ATL2: variants seen among roughly 807,000 people sequenced by gnomAD.
The protein encoded by ATL2 is atlastin GTPase 2.
In ATL2, 31 loss-of-function variants were observed where a neutral mutation model predicts 73.9. That is an observed-to-expected ratio of 0.42 (90% CI 0.32 to 0.57). The LOEUF (loss-of-function observed/expected upper bound fraction) is 0.57. Among genes scored for constraint, ATL2 ranks in the 20% least tolerant of loss-of-function variants. The pLI, the probability that ATL2 is intolerant of heterozygous loss-of-function variation, is 0.14. For missense variants in ATL2, 738 were observed against 702.6 expected, an observed-to-expected ratio of 1.05 and a Z score of -0.57; for synonymous variants, 291 against 237.5, an observed-to-expected ratio of 1.23 and a Z score of -2.07.
chr2:38,362,204 G>T (rs1558453214), intron 1 of ATL2, among the ~76,000 whole-genome samples: 1 of 152,204 alleles, frequency 6.6e-6, no homozygotes, highest in Admixed American at 6.5e-5. Flanking sequence ...TCTGGTATTT[G>T]AGATTTCTAG....
chr2:38,342,492 A>T (rs1486345201), intron 2 of ATL2, among the ~76,000 whole-genome samples: 1 of 152,156 alleles, frequency 6.6e-6, no homozygotes, highest in East Asian at 1.9e-4. Flanking sequence ...AACAGCAAAA[A>T]CTATAGTTTA....
At chr2:38,374,569 A>G (rs143318522) in intron 1 of ATL2, among the ~76,000 whole-genome samples, 7 of 152,380 alleles carry the variant, frequency 4.6e-5, no homozygotes, top group African/African-American at 1.7e-4. Flanking sequence ...TCTGGCTCTT[A>G]ACTTTTTAAG....
intron 2 of ATL2, among the ~76,000 whole-genome samples, chr2:38,336,692 G>C (rs886135671): frequency 6.6e-6 from 1 of 152,136 alleles, no homozygotes. Context: ...GCCTAGTCTC[G>C]AATTTAAGTC....
At chr2:38,337,661 G>A (rs570049336) in intron 2 of ATL2, among the ~76,000 whole-genome samples, 1 of 151,550 alleles carries the variant, frequency 6.6e-6, no homozygotes, top group Admixed American at 6.6e-5. Flanking sequence ...TGATCACAGG[G>A]ATTTACTTCA....
chr2:38,340,776 T>C (rs138482773), intron 2 of ATL2, among the ~76,000 whole-genome samples: 1 of 152,312 alleles, frequency 6.6e-6, no homozygotes, highest in Non-Finnish European at 1.5e-5. Context: ...TATCCAAAAA[T>C]CAGATACCAT....
intron 4 of ATL2, chr2:38,318,291 A>C (rs1668132299): frequency 3.3e-6 from 1 of 304,106 alleles, no homozygotes; most frequent in African/African-American, 2.2e-5. Flanking sequence ...CAGCCTGCCC[A>C]ACGTGGTGAA....
intron 1 of ATL2, among the ~76,000 whole-genome samples, chr2:38,353,579 G>C (rs1670483880): frequency 1.3e-5 from 2 of 152,146 alleles, no homozygotes; most frequent in South Asian, 4.1e-4. Context: ...GAGATTTACA[G>C]GTCCAAAAAG....
At chr2:38,353,510 T>C (rs1015379197) in intron 1 of ATL2, among the ~76,000 whole-genome samples, 8 of 152,166 alleles carry the variant, frequency 5.3e-5, no homozygotes, top group Non-Finnish European at 1.2e-4. Context: ...AAAGTGAGGC[T>C]GGAGCTGAAA....
At chr2:38,342,880 A>G (rs957454199) in intron 2 of ATL2, among the ~76,000 whole-genome samples, 1 of 152,096 alleles carries the variant, frequency 6.6e-6, no homozygotes. Context: ...ACATTACTGT[A>G]TTGACCAGGA....
At chr2:38,308,675 T>C (rs898729004) in intron 9 of ATL2, among the ~76,000 whole-genome samples, 3 of 152,104 alleles carry the variant, frequency 2.0e-5, no homozygotes, top group South Asian at 4.1e-4. Flanking sequence ...CTAATATGAT[T>C]ATTAGACATT....
intron 2 of ATL2, among the ~76,000 whole-genome samples, chr2:38,332,879 A>G (rs1669080278): frequency 6.6e-6 from 1 of 152,242 alleles, no homozygotes; most frequent in Non-Finnish European, 1.5e-5. Flanking sequence ...ATTAAAGGAA[A>G]GAAATTTGTG....
intron 2 of ATL2, among the ~76,000 whole-genome samples, chr2:38,340,168 TGGTGGGG>T (rs1339074212): frequency 0.031 from 107 of 3,446 alleles, 1 homozygote; most frequent in African/African-American, 0.065. Context: ...CAGTTAGTTT[TGGTGGGG>T]GGGGGGGGGG....
chr2:38,337,593 A>C (rs1379405696), intron 2 of ATL2, among the ~76,000 whole-genome samples: 1 of 150,446 alleles, frequency 6.6e-6, no homozygotes, highest in African/African-American at 2.4e-5. Flanking sequence ...ATATTATTGT[A>C]ATGTTCAAAA....
At chr2:38,304,623 G>A (rs1667354327) in intron 9 of ATL2, among the ~76,000 whole-genome samples, 1 of 152,064 alleles carries the variant, frequency 6.6e-6, no homozygotes, top group Admixed American at 6.5e-5. Flanking sequence ...ACTATCAATA[G>A]AAACAACGAA....
Position 38,297,649 on chromosome 2 carries a change from C to T in ATL2, c.1632+495G>A, listed in dbSNP as rs763031161. Among the ~76,000 whole-genome samples, 13 of 152,158 alleles carry T rather than the reference C, an allele frequency of 8.5e-5. No homozygotes were observed. The East Asian group carries it at 2.3e-3, about 27-fold the overall frequency. On this transcript the variant is annotated intron_variant, in intron 12 of 12. Transcript: ENST00000378954. The stretch of plus-strand genomic sequence containing the variant: ...TCAAAGTTTCCTTGGTAAGAAATCC[C>T]TACGGGATTGTTCCTCATAGTACAT...
At chr2:38,302,948 A>G (rs1667262934) in intron 9 of ATL2, among the ~76,000 whole-genome samples, 2 of 152,218 alleles carry the variant, frequency 1.3e-5, no homozygotes. Context: ...AGACCATCCA[A>G]GAAAACATGA....
At chr2:38,374,967 G>C (rs1671879691) in intron 1 of ATL2, among the ~76,000 whole-genome samples, 1 of 152,120 alleles carries the variant, frequency 6.6e-6, no homozygotes, top group South Asian at 2.1e-4. Flanking sequence ...TTACTGTAAG[G>C]CAGCTACTTC....
At chr2:38,372,877 AAATTT>A (rs2124505317) in intron 1 of ATL2, among the ~76,000 whole-genome samples, 1 of 152,328 alleles carries the variant, frequency 6.6e-6, no homozygotes, top group African/African-American at 2.4e-5. Context: ...TTTACAGCTA[AAATTT>A]AAAACTTGCC....
Position 38,355,379 on chromosome 2 carries a change from G to C in ATL2, c.119-11867C>G, listed in dbSNP as rs926104161. On this transcript the variant is annotated intron_variant, in intron 1 of 12. Transcript: ENST00000378954. ...TGACCTCCCTCATCGGCCTCCCAAA[G>C]TGCTGGGATTACAGGCGTGAGCCAC... Among the ~76,000 whole-genome samples the C allele has an allele frequency of 3.9e-5, 6 of 152,136 alleles. 1 individual carries two copies. The South Asian group carries it at 8.3e-4, about 21-fold the overall frequency.
Sources: allele counts gnomAD v4.1 joint callset (sites outside exome capture counted in the v4.1 genomes callset), GRCh38; gene constraint gnomAD v4.1.1; transcripts MANE v1.5; gene names NCBI Gene and HGNC (gene_info 2026-07-23, HGNC 2026-07-21).